LRRTM4: variants seen among roughly 807,000 people sequenced by gnomAD.
LRRTM4 encodes the protein leucine rich repeat transmembrane neuronal 4.
Under a neutral mutation model 47.6 loss-of-function variants are expected in LRRTM4, and 25 were observed. The ratio of observed to expected loss-of-function variants is 0.53; its 90% CI spans 0.38 to 0.73. The LOEUF is 0.73. Among genes scored for constraint, LRRTM4 ranks in the 30% least tolerant of loss-of-function variants. The probability of loss-of-function intolerance (pLI) is 0.00; values close to 1 mark genes in which losing one functional copy is unlikely to be tolerated. For synonymous variants in LRRTM4, 311 were observed against 269.5 expected, an observed-to-expected ratio of 1.15 and a Z score of -1.51; for missense variants, 638 against 713.4, an observed-to-expected ratio of 0.89 and a Z score of 1.20.
At chr2:77,443,000 A>G (rs1283978533) in intron 3 of LRRTM4, among the ~76,000 whole-genome samples, 2 of 152,140 alleles carry the variant, frequency 1.3e-5, no homozygotes, top group Non-Finnish European at 2.9e-5. Context: ...GGCACAAGTT[A>G]TCTATTTGTA....
intron 3 of LRRTM4, among the ~76,000 whole-genome samples, chr2:76,942,479 T>C (rs1573346688): frequency 6.8e-6 from 1 of 146,018 alleles, no homozygotes; most frequent in East Asian, 2.1e-4. Context: ...ATGCTTAAAC[T>C]TCTGTGCTAA....
At chr2:77,047,904 A>T (rs1007099427) in intron 3 of LRRTM4, among the ~76,000 whole-genome samples, 1 of 152,082 alleles carries the variant, frequency 6.6e-6, no homozygotes, top group Non-Finnish European at 1.5e-5. Context: ...TTTGGGGTTG[A>T]GGTCCAGGCT....
At chr2:77,256,709 T>C (rs1675778742) in intron 3 of LRRTM4, among the ~76,000 whole-genome samples, 1 of 152,176 alleles carries the variant, frequency 6.6e-6, no homozygotes, top group African/African-American at 2.4e-5. Flanking sequence ...CTTTCTTTTA[T>C]AAATTACTCA....
In LRRTM4 at chr2:77,176,885, T is replaced by C. The variant is rs184153483; in HGVS notation, c.1551+341433A>G. On this transcript the variant is annotated intron_variant, in intron 3 of 3. Coordinates refer to ENST00000409884, the MANE Select transcript of LRRTM4 (RefSeq NM_001134745.3). ...GCCAAAACAAAGATGGCCACAAAAG[T>C]GACATCTGCTTGTGCTCACTGGTCG... 3.5e-3 allele frequency among the ~76,000 whole-genome samples: 529 copies of C among 152,254 alleles called. 1 individual carries two copies. Among genetic ancestry groups the C allele is most frequent in the African/African-American group, 0.012 (498 of 41,542 alleles).
chr2:76,783,148 C>A (rs1674490527), intron 3 of LRRTM4, among the ~76,000 whole-genome samples: 1 of 152,026 alleles, frequency 6.6e-6, no homozygotes, highest in South Asian at 2.1e-4. Flanking sequence ...AATTCATATT[C>A]CACCAACATT....
At chr2:76,979,157 A>T (rs957561696) in intron 3 of LRRTM4, among the ~76,000 whole-genome samples, 2 of 152,038 alleles carry the variant, frequency 1.3e-5, no homozygotes, top group Non-Finnish European at 2.9e-5. Flanking sequence ...ATTATCAGAC[A>T]TGCATAGGAT....
intron 3 of LRRTM4, among the ~76,000 whole-genome samples, chr2:77,214,763 G>T (rs185604698): frequency 2.0e-5 from 3 of 150,192 alleles, no homozygotes; most frequent in Non-Finnish European, 4.4e-5. Flanking sequence ...CTGTTAACTC[G>T]TCTCTGAAAA....
intron 3 of LRRTM4, among the ~76,000 whole-genome samples, chr2:76,813,799 A>G (rs915953479): frequency 5.3e-5 from 8 of 152,194 alleles, no homozygotes; most frequent in Non-Finnish European, 8.8e-5. Flanking sequence ...GATTGTGAAG[A>G]TACTACATAG....
At chr2:76,839,497 T>G (rs2103926292) in intron 3 of LRRTM4, among the ~76,000 whole-genome samples, 1 of 152,274 alleles carries the variant, frequency 6.6e-6, no homozygotes, top group Non-Finnish European at 1.5e-5. Context: ...TCTTTGTAGC[T>G]AAATATTTAA....
chr2:77,114,945 G>C (rs753413422), intron 3 of LRRTM4, among the ~76,000 whole-genome samples: 6 of 152,114 alleles, frequency 3.9e-5, no homozygotes, highest in Admixed American at 1.3e-4. Context: ...ACAGGAAACA[G>C]GGTTCAAGAG....
At chr2:77,258,923 A>T (rs948101084) in intron 3 of LRRTM4, among the ~76,000 whole-genome samples, 23 of 152,134 alleles carry the variant, frequency 1.5e-4, no homozygotes, top group African/African-American at 5.1e-4. Flanking sequence ...CAAAAATAAG[A>T]TAATTGCAAA....
At chr2:77,326,054 C>T (rs544145476) in intron 3 of LRRTM4, among the ~76,000 whole-genome samples, 17 of 152,262 alleles carry the variant, frequency 1.1e-4, no homozygotes, top group South Asian at 2.1e-4. Flanking sequence ...TTGAGAAATG[C>T]GCTCCCTTTA....
At chr2:76,826,731 C>T (rs537019594) in intron 3 of LRRTM4, among the ~76,000 whole-genome samples, 1 of 151,792 alleles carries the variant, frequency 6.6e-6, no homozygotes, top group South Asian at 2.1e-4. Flanking sequence ...GGAAAGTCAC[C>T]AGGAAATATG....
chr2:77,464,898 A>T (rs997311387), intron 3 of LRRTM4, among the ~76,000 whole-genome samples: 7 of 152,222 alleles, frequency 4.6e-5, no homozygotes, highest in African/African-American at 1.7e-4. Flanking sequence ...TAAACTAATG[A>T]TTGAAAACAC....
intron 3 of LRRTM4, among the ~76,000 whole-genome samples, chr2:77,458,347 C>G (rs547237398): frequency 1.3e-5 from 2 of 151,222 alleles, no homozygotes; most frequent in African/African-American, 4.8e-5. Flanking sequence ...CAAGTCGTTT[C>G]TTTTTGTGTT....
rs560724600 is a variant in LRRTM4 at position 76,954,391 on chromosome 2, TGAA to T, written c.1552-205478_1552-205476del. Among the ~76,000 whole-genome samples, 249 of 151,680 alleles carry T rather than the reference TGAA, an allele frequency of 1.6e-3. 3 individuals are homozygous for T. Among genetic ancestry groups the T allele is most frequent in the African/African-American group, 5.7e-3 (235 of 41,380 alleles). On this transcript the variant is annotated intron_variant, in intron 3 of 3. Transcript: ENST00000409884. ...CCAACAAAAAACAAAATTTTGGATA[TGAA>T]GAATACAATGACCGAATTGAAAAAT... is the stretch of plus-strand genomic sequence containing the variant.
chr2:76,957,850 T>C (rs1434064124), intron 3 of LRRTM4, among the ~76,000 whole-genome samples: 7 of 151,670 alleles, frequency 4.6e-5, no homozygotes, highest in Admixed American at 4.6e-4. Flanking sequence ...TATGATATGG[T>C]TTGAATAATT....
intron 3 of LRRTM4, among the ~76,000 whole-genome samples, chr2:76,856,282 AAGAG>A (rs1246663046): frequency 7.2e-5 from 11 of 151,928 alleles, no homozygotes; most frequent in South Asian, 2.1e-4. Flanking sequence ...GTCTCAGAAA[AAGAG>A]AGAGAGAGAG....
intron 3 of LRRTM4, among the ~76,000 whole-genome samples, chr2:77,388,182 G>T (rs1673359076): frequency 2.0e-5 from 3 of 151,986 alleles, no homozygotes; most frequent in Middle Eastern, 3.4e-3. Context: ...AAAAGTCAGG[G>T]TTCCTGAAAG....
Sources: allele counts gnomAD v4.1 joint callset (sites outside exome capture counted in the v4.1 genomes callset), GRCh38; gene constraint gnomAD v4.1.1; transcripts MANE v1.5; gene names NCBI Gene and HGNC (gene_info 2026-07-23, HGNC 2026-07-21).